NCOR1: variants seen among roughly 807,000 people sequenced by gnomAD.
NCOR1 encodes the protein protein phosphatase 1, regulatory subunit 109.
In NCOR1, 63 loss-of-function variants were observed where a neutral mutation model predicts 288.1. That is an observed-to-expected ratio of 0.22 (90% confidence interval 0.18 to 0.27). NCOR1 has a LOEUF of 0.27. NCOR1 is among the 10% of genes least tolerant of loss of function. The pLI is 1.00. For missense variants in NCOR1, 2,397 were observed against 3,019.2 expected (o/e 0.79, Z 4.83); for synonymous variants, 1,007 against 1,065.9 (o/e 0.94, Z 1.08).
At chr17:16,185,744 T>A (rs551686546) in intron 3 of NCOR1, among the ~76,000 whole-genome samples, 115 of 128,356 alleles carry the variant, frequency 9.0e-4, no homozygotes, top group Admixed American at 1.6e-3. Flanking sequence ...GGTGGGTGGA[T>A]CACTTGAGCT....
chr17:16,186,771 G>T lies in NCOR1; in HGVS notation c.109-84C>A, dbSNP rs933829285. The T allele has an allele frequency of 2.5e-6, 3 of 1,214,872 alleles. 1 individual carries two copies. Among genetic ancestry groups the T allele is most frequent in the African/African-American group, 3.0e-5 (2 of 66,188 alleles). The allele number at this position is 1,214,872 out of a possible 1,614,324, so 75.3% of individuals were successfully genotyped here. A position where few individuals can be genotyped will look rare whatever the true frequency, so the allele number is the denominator to read the frequency against. On this transcript the variant is annotated intron_variant, in intron 2 of 45. Transcript: ENST00000268712. ...TCAAAGCAAGTATAAAGGTAGTTAT[G>T]GGCCACTAAGTATGGAAAGAAAGAG...
chr17:16,061,426 A>G lies in NCOR1; in HGVS notation c.5856T>C (p.Ser1952=), dbSNP rs1359861964. 19 of 1,614,092 alleles carry G rather than the reference A, an allele frequency of 1.2e-5. No individual in the cohort carries two copies. The highest frequency in any genetic ancestry group is 1.5e-5 in the Non-Finnish European group (18 of 1,180,038). The change falls in exon 37 of 46, where the codon TCT becomes TCC. Residue 1952 remains serine, a synonymous_variant. Coordinates refer to ENST00000268712, the MANE Select transcript of NCOR1 (RefSeq NM_006311.4). ...ASDKDARERG[S]QSSDSSSSLS... ...AGCTACTAGAAGAGTCTGAACTTTG[A>G]GAGCCACGTTCCCTCGCATCCTTGT...
chr17:16,114,378 T>G (rs2071108425), intron 18 of NCOR1, among the ~76,000 whole-genome samples: 1 of 152,054 alleles, frequency 6.6e-6, no homozygotes, highest in South Asian at 2.1e-4. Flanking sequence ...CGCTGGCCCC[T>G]CCCACATCTC....
At position 16,045,874 on chromosome 17, in the gene NCOR1, C is replaced by T. The variant is rs202161093; in HGVS notation, c.6679+1077G>A. ...TGGCTTAGGCTGCAGTGCAGTGATG[C>T]GATCGTAGCTCACTGTAGCCTCAAC... On this transcript the variant is annotated intron_variant, in intron 42 of 45. Coordinates refer to ENST00000268712, the MANE Select transcript of NCOR1 (RefSeq NM_006311.4). 9.9e-5 allele frequency among the ~76,000 whole-genome samples: 15 copies of T among 152,024 alleles called. No homozygotes were observed. In the East Asian group the frequency reaches 1.9e-3, roughly 20 times the overall value.
chr17:16,064,473 C>T (rs566854819), intron 34 of NCOR1, among the ~76,000 whole-genome samples: 5 of 151,782 alleles, frequency 3.3e-5, no homozygotes, highest in South Asian at 4.2e-4. Context: ...TGTGGTGGCG[C>T]GCACCTGTAA....
chr17:16,072,361 G>T, intron 28 of NCOR1, 133 bp from the exon 29 acceptor site: 1 of 588,936 alleles, frequency 1.7e-6, no homozygotes, highest in Non-Finnish European at 2.8e-6. Flanking sequence ...TTAAGTTTGT[G>T]AACTATCCAG....
intron 40 of NCOR1, among the ~76,000 whole-genome samples, chr17:16,056,248 G>A (rs2059900208): frequency 6.7e-6 from 1 of 149,226 alleles, no homozygotes; most frequent in South Asian, 2.1e-4. Flanking sequence ...ATGTCTTCAG[G>A]TATTTGCCAG....
In NCOR1 at chr17:16,072,204, C is replaced by T. The variant is rs764561903; in HGVS notation, c.3836G>A (p.Arg1279Lys). ...LEGLICRALP[R>K]GSPHSDLKER... is the part of the protein sequence containing the mutation. Reference sequence around the variant, plus strand: ...TTTGAGGTCAGAATGAGGACTCCCCCTGGGTAATGCTCGGCATATCAGCCC... The same window carrying T: ...TTTGAGGTCAGAATGAGGACTCCCCTTGGGTAATGCTCGGCATATCAGCCC... Residue 1279 changes from arginine (R) to lysine (K), a missense_variant, in exon 29 of 46, where the codon AGG becomes AAG. This residue lies in a region of NCOR1 where 1,872 missense variants were observed against 2,187.8 expected (regional missense o/e 0.86). Coordinates refer to ENST00000268712, the MANE Select transcript of NCOR1 (RefSeq NM_006311.4). 1 of 1,611,972 alleles carries T rather than the reference C, an allele frequency of 6.2e-7. No homozygotes were observed. The highest frequency in any genetic ancestry group is 1.1e-5 in the South Asian group (1 of 90,708).
intron 35 of NCOR1, among the ~76,000 whole-genome samples, chr17:16,063,591 C>A (rs1161169980): frequency 6.6e-6 from 1 of 152,200 alleles, no homozygotes; most frequent in Non-Finnish European, 1.5e-5. Flanking sequence ...GCCATACCCA[C>A]TCTTCAGGGT....
At position 16,186,616 on chromosome 17, in the gene NCOR1, CTGTT is replaced by C. The variant is rs747100433; in HGVS notation, c.176_179del (p.Gln59ArgfsTer70). ...GTCGCCTTCGAAGCTGTTGCTGCTG[CTGTT>C]GCTGCAAAAGCTGTGATGCCTGACT... On this transcript the variant is annotated frameshift_variant, in exon 3 of 46. Transcript: ENST00000268712. LOFTEE classifies it high-confidence loss of function. 1 of 1,613,956 alleles carries C rather than the reference CTGTT, an allele frequency of 6.2e-7. No homozygotes were observed. The highest frequency in any genetic ancestry group is 8.5e-7 in the Non-Finnish European group (1 of 1,179,978).
intron 31 of NCOR1, among the ~76,000 whole-genome samples, chr17:16,068,746 C>T (rs1485235365): frequency 7.0e-6 from 1 of 142,260 alleles, no homozygotes; most frequent in Admixed American, 7.3e-5. Flanking sequence ...GATAGAGTCT[C>T]GCTGTCACCC....
Position 16,158,755 on chromosome 17 carries a change from C to T in NCOR1, c.732+5G>A. 6.3e-7 allele frequency: 1 copy of T among 1,599,942 alleles called. No individual in the cohort carries two copies. The highest frequency in any genetic ancestry group is 8.6e-7 in the Non-Finnish European group (1 of 1,167,652). On this transcript the variant is annotated splice_donor_5th_base_variant and intron_variant, in intron 6 of 45. Transcript: ENST00000268712. ...CCTGTGCTGCCAGAGATGGTATGAG[C>T]TTACCCGATTCTCATCATAAATAAT...
In NCOR1 at chr17:16,029,536, G is replaced by A. The variant is rs1175701986; in HGVS notation, c.*2760C>T. On this transcript the variant is annotated 3_prime_UTR_variant, in exon 46 of 46. Coordinates refer to ENST00000268712, the MANE Select transcript of NCOR1 (RefSeq NM_006311.4). ...AAACTGGCTGTCAGAATACTTTTAT[G>A]AAGAGTATTAGGAAGACCTTAATTT... 2 of 264,260 alleles carry A rather than the reference G, an allele frequency of 7.6e-6. No individual in the cohort carries two copies. Among genetic ancestry groups the A allele is most frequent in the African/African-American group, 4.5e-5 (2 of 44,124 alleles). 16.4% of individuals were successfully genotyped at this position (264,260 alleles called of 1,614,324 possible). A position where few individuals can be genotyped will look rare whatever the true frequency, so the allele number is the denominator to read the frequency against.
chr17:16,156,206 T>A (rs1287950942), intron 6 of NCOR1, among the ~76,000 whole-genome samples: 1 of 151,868 alleles, frequency 6.6e-6, no homozygotes, highest in Admixed American at 6.6e-5. Flanking sequence ...GAGGCCAAGA[T>A]GGGTAGATGA....
intron 3 of NCOR1, among the ~76,000 whole-genome samples, chr17:16,182,305 GAAT>G (rs2085643749): frequency 1.3e-5 from 2 of 152,138 alleles, no homozygotes; most frequent in South Asian, 2.1e-4. Context: ...TTGCTTTTAA[GAAT>G]AATGTAATAA....
chr17:16,165,688 C>A (rs1163205988), intron 4 of NCOR1, among the ~76,000 whole-genome samples: 3 of 152,098 alleles, frequency 2.0e-5, no homozygotes, highest in Non-Finnish European at 4.4e-5. Flanking sequence ...TCAGTTGCTA[C>A]TATCTCTAGG....
rs2076710170 is a variant in NCOR1, at chr17:16,138,283, GA to G, written c.1353-72del. 2.3e-6 allele frequency: 3 copies of G among 1,326,158 alleles called. No individual in the cohort carries two copies. In the Admixed American group the frequency reaches 6.0e-5, roughly 27 times the overall value. 82.1% of individuals were successfully genotyped at this position (1,326,158 alleles called of 1,614,324 possible). ...AACAACTAAAAAAAAAAAAACTTGG[GA>G]AAAGAAAGACTATGTATAGGCTGGG... On this transcript the variant is annotated intron_variant, in intron 12 of 45. Coordinates refer to ENST00000268712, the MANE Select transcript of NCOR1 (RefSeq NM_006311.4).
intron 11 of NCOR1, among the ~76,000 whole-genome samples, chr17:16,141,778 C>A (rs2077190724): frequency 6.6e-6 from 1 of 152,120 alleles, no homozygotes; most frequent in Non-Finnish European, 1.5e-5. Context: ...ACATAATAGG[C>A]TATAAATATT....
At chr17:16,138,565 A>C (rs2076754047) in intron 12 of NCOR1, among the ~76,000 whole-genome samples, 2 of 152,248 alleles carry the variant, frequency 1.3e-5, no homozygotes, top group Non-Finnish European at 2.9e-5. Context: ...AGCTTAAGCG[A>C]CAGAGCGAGA....
Sources: gnomAD v4.1 joint callset for allele counts (sites outside exome capture counted in the v4.1 genomes callset) on GRCh38, gnomAD v4.1.1 for gene constraint, gnomAD v4.1.1 regional missense constraint, MANE v1.5 for transcripts, NCBI Gene and HGNC (gene_info 2026-07-23, HGNC 2026-07-21) for gene names.